Variants in PDZD2 observed in about 807,000 individuals in gnomAD.
PDZD2 encodes PDZ domain-containing protein 2.
A neutral mutation model predicts 220.7 loss-of-function variants in PDZD2; 90 were observed. The ratio of observed to expected loss-of-function variants is 0.41; its 90% CI spans 0.34 to 0.49. The LOEUF is 0.49. PDZD2 is among the 20% of genes least tolerant of loss of function. PDZD2 has a pLI of 0.28. For synonymous variants in PDZD2, 1,375 were observed against 1,450.5 expected (o/e 0.95, Z 1.18); for missense variants, 3,174 against 3,608.5 (o/e 0.88, Z 3.08).
At chr5:31,913,945 A>AC (rs34660832) in intron 2 of PDZD2, among the ~76,000 whole-genome samples, 84,234 of 151,696 alleles carry the variant, frequency 0.56, 24,911 homozygotes, top group Middle Eastern at 0.71. Context: ...CCTCTCCCCT[A>AC]CCCCCAGCAC....
intron 2 of PDZD2, among the ~76,000 whole-genome samples, chr5:31,902,174 G>GT (rs1181248754): frequency 7.2e-5 from 11 of 152,078 alleles, no homozygotes; most frequent in African/African-American, 2.4e-4. Context: ...CTTTTCCAAC[G>GT]TTACTGCACA....
intron 2 of PDZD2, among the ~76,000 whole-genome samples, chr5:31,804,406 C>A (rs1482029288): frequency 6.6e-6 from 1 of 152,158 alleles, no homozygotes; most frequent in Admixed American, 6.5e-5. Flanking sequence ...CTTGATTTTT[C>A]ACTCCCTACT....
In PDZD2 at chr5:31,703,475, G is replaced by A. The variant is rs190954290; in HGVS notation, c.-361+64038G>A. Among the ~76,000 whole-genome samples, 374 of 152,112 alleles carry A rather than the reference G, an allele frequency of 2.5e-3. 1 individual carries two copies. Among genetic ancestry groups the A allele is most frequent in the African/African-American group, 8.4e-3 (349 of 41,500 alleles). On this transcript the variant is annotated intron_variant, in intron 1 of 24. Transcript: ENST00000438447. ...GGAACATCACACACCGGGACCTGTCGGGGGGTCGGGGGGAAGGGGAGGGAG... is the reference window on the plus strand; with the variant it reads ...GGAACATCACACACCGGGACCTGTCAGGGGGTCGGGGGGAAGGGGAGGGAG...
intron 3 of PDZD2, among the ~76,000 whole-genome samples, chr5:31,989,179 T>G (rs1452060090): frequency 1.3e-5 from 2 of 152,156 alleles, no homozygotes; most frequent in East Asian, 1.9e-4. Flanking sequence ...TGATAGATAA[T>G]TTTTTAGCTC....
intron 1 of PDZD2, among the ~76,000 whole-genome samples, chr5:31,648,054 A>G (rs1377662935): frequency 6.6e-6 from 1 of 152,236 alleles, no homozygotes; most frequent in Non-Finnish European, 1.5e-5. Context: ...GTAGTTGGCC[A>G]ACATTCTCCT....
At chr5:32,039,109 C>G (rs199905515) in intron 7 of PDZD2, among the ~76,000 whole-genome samples, 7 of 115,852 alleles carry the variant, frequency 6.0e-5, no homozygotes, top group East Asian at 2.3e-4. Flanking sequence ...CCCCTCTCCC[C>G]CTCTCCCTCT....
At chr5:31,641,963 C>T (rs534338275) in intron 1 of PDZD2, among the ~76,000 whole-genome samples, 85 of 152,244 alleles carry the variant, frequency 5.6e-4, no homozygotes, top group African/African-American at 1.9e-3. Context: ...ACCCCACTAC[C>T]CCCGGCTGAT....
intron 1 of PDZD2, among the ~76,000 whole-genome samples, chr5:31,731,650 G>A (rs1006583505): frequency 2.6e-5 from 4 of 152,062 alleles, no homozygotes; most frequent in African/African-American, 7.2e-5. Context: ...TAATGTTGTC[G>A]TCTGTGTTGT....
chr5:31,686,779 T>A (rs1371196193), intron 1 of PDZD2, among the ~76,000 whole-genome samples: 1 of 152,232 alleles, frequency 6.6e-6, no homozygotes, highest in Admixed American at 6.5e-5. Context: ...GGTTTTCCAT[T>A]ATATTTTTCA....
At chr5:31,986,102 AAC>A (rs1290174074) in intron 3 of PDZD2, among the ~76,000 whole-genome samples, 198 of 140,064 alleles carry the variant, frequency 1.4e-3, no homozygotes, top group South Asian at 4.6e-3. Flanking sequence ...AAAAAAATTG[AAC>A]TTCTGGAGTC....
In PDZD2 at chr5:31,983,367, C is replaced by A; in HGVS notation, c.689C>A (p.Ala230Asp). The change falls in exon 3 of 25, where the codon GCC (alanine) becomes GAC (aspartate). Residue 230 changes from alanine (A) to aspartate (D), a missense_variant. By Grantham distance (126) the Ala-to-Asp change is moderately radical (BLOSUM62 -2). This residue lies in a region of PDZD2 where 632 missense variants were observed against 708.1 expected (regional missense o/e 0.89). Transcript: ENST00000438447. ...GVISRPPANK[A>D]PEESKGSAGC... The stretch of plus-strand genomic sequence containing the variant: ...ATCTCCAGGCCTCCTGCCAACAAGG[C>A]CCCTGAAGAATCCAAGGGCAGCGCT... The A allele has an allele frequency of 1.2e-6, 2 of 1,614,214 alleles. 1 individual carries two copies. Among genetic ancestry groups the A allele is most frequent in the African/African-American group, 2.7e-5 (2 of 75,042 alleles).
At chr5:31,673,324 A>G (rs1651057) in intron 1 of PDZD2, among the ~76,000 whole-genome samples, 14,914 of 152,202 alleles carry the variant, frequency 0.098, 753 homozygotes, top group East Asian at 0.17. Flanking sequence ...TCCCCATTTC[A>G]TGTTTGTATG....
At chr5:31,925,476 G>A (rs1320843385) in intron 2 of PDZD2, among the ~76,000 whole-genome samples, 1 of 152,126 alleles carries the variant, frequency 6.6e-6, no homozygotes, top group Non-Finnish European at 1.5e-5. Context: ...ATGGACTAAA[G>A]ATTTAAATGT....
rs1399444289 is a variant in PDZD2, at chr5:31,799,626, G to A, written c.378G>A (p.Lys126=). The stretch of plus-strand genomic sequence containing the variant: ...GCATCTGGGTGACAGAGCTGAGGAA[G>A]AACAGCCCAGCAGGGAAGAGTGGGA... ...VGCIWVTELR[K]NSPAGKSGKV... is the part of the protein sequence containing the mutation. Residue 126 remains lysine, a synonymous_variant, in exon 2 of 25, where the codon AAG becomes AAA. Transcript: ENST00000438447. 1.9e-6 allele frequency: 3 copies of A among 1,614,108 alleles called. No homozygotes were observed. Among genetic ancestry groups the A allele is most frequent in the Non-Finnish European group, 1.7e-6 (2 of 1,179,972 alleles).
At position 31,794,918 on chromosome 5, in the gene PDZD2, T is replaced by C. The variant is rs1753941896; in HGVS notation, c.-360-3971T>C. 3.3e-5 allele frequency among the ~76,000 whole-genome samples: 5 copies of C among 152,206 alleles called. No homozygotes were observed. The South Asian group carries it at 1.0e-3, about 32-fold the overall frequency. On this transcript the variant is annotated intron_variant, in intron 1 of 24. Coordinates refer to ENST00000438447, the MANE Select transcript of PDZD2 (RefSeq NM_178140.4). Reference sequence around the variant, plus strand: ...ATCCAGGACATCTGGAAGGGAGAGCTAGTACATGACAGCCCGGTGTGAATC... The same window carrying C: ...ATCCAGGACATCTGGAAGGGAGAGCCAGTACATGACAGCCCGGTGTGAATC...
intron 1 of PDZD2, chr5:31,725,979 T>A (rs2150151696): frequency 1.8e-6 from 1 of 548,178 alleles, no homozygotes; most frequent in Non-Finnish European, 3.3e-6. Context: ...TAGGCAGTCT[T>A]GGATACTCCT....
intron 1 of PDZD2, among the ~76,000 whole-genome samples, chr5:31,689,130 G>T (rs1210060295): frequency 6.6e-6 from 1 of 151,638 alleles, no homozygotes; most frequent in African/African-American, 2.4e-5. Context: ...GGGCAGTGGA[G>T]TGATCTTGAC....
At chr5:31,688,852 A>G (rs1746975552) in intron 1 of PDZD2, among the ~76,000 whole-genome samples, 1 of 152,176 alleles carries the variant, frequency 6.6e-6, no homozygotes, top group African/African-American at 2.4e-5. Context: ...ACAACAGGCC[A>G]AAACGACTCT....
At chr5:32,085,787 T>C (rs1301580408) in intron 19 of PDZD2, among the ~76,000 whole-genome samples, 2 of 152,000 alleles carry the variant, frequency 1.3e-5, no homozygotes, top group East Asian at 3.8e-4. Flanking sequence ...TTGTCTTTTG[T>C]TTTTTTTACA....
Sources: allele counts gnomAD v4.1 joint callset (sites outside exome capture counted in the v4.1 genomes callset), GRCh38; gene constraint gnomAD v4.1.1; regional missense constraint gnomAD v4.1.1; transcripts MANE v1.5; gene names NCBI Gene and HGNC (gene_info 2026-07-23, HGNC 2026-07-21).